NCKAP5: variants seen among roughly 807,000 people sequenced by gnomAD.
NCKAP5 encodes the protein nck-associated protein 5.
In NCKAP5, 92 loss-of-function variants were observed where a neutral mutation model predicts 167.0. The ratio of observed to expected loss-of-function variants is 0.55; its 90% CI spans 0.47 to 0.66. The LOEUF (loss-of-function observed/expected upper bound fraction) is 0.66. NCKAP5 is among the 30% of genes least tolerant of loss of function. NCKAP5 has a pLI of 0.00. For missense variants in NCKAP5, 2,378 were observed against 2,315.0 expected (o/e 1.03, Z -0.56); for synonymous variants, 891 against 877.4 (o/e 1.02, Z -0.27).
chr2:132,985,654 G>A (rs1003735123), intron 7 of NCKAP5, among the ~76,000 whole-genome samples: 8 of 152,148 alleles, frequency 5.3e-5, no homozygotes, highest in African/African-American at 1.4e-4. Flanking sequence ...TATGAACAGT[G>A]GATGCCACTT....
chr2:133,297,515 T>C (rs1198137480), intron 4 of NCKAP5, among the ~76,000 whole-genome samples: 1 of 152,146 alleles, frequency 6.6e-6, no homozygotes, highest in Non-Finnish European at 1.5e-5. Flanking sequence ...AAGAGTGTTA[T>C]TGCAATATAT....
At chr2:132,957,686 T>TA (rs2076383834) in intron 8 of NCKAP5, among the ~76,000 whole-genome samples, 1 of 151,744 alleles carries the variant, frequency 6.6e-6, no homozygotes, top group African/African-American at 2.4e-5. Context: ...ACATAAAACC[T>TA]AAAAAATATT....
chr2:132,827,631 T>C (rs1225622475), intron 11 of NCKAP5, among the ~76,000 whole-genome samples: 2 of 152,180 alleles, frequency 1.3e-5, no homozygotes, highest in Non-Finnish European at 2.9e-5. Context: ...AAATACCTTG[T>C]CCAAGTTAAA....
At chr2:133,101,444 T>G (rs1231638007) in intron 6 of NCKAP5, among the ~76,000 whole-genome samples, 3 of 140,624 alleles carry the variant, frequency 2.1e-5, no homozygotes, top group Non-Finnish European at 4.5e-5. Flanking sequence ...GTGAAGAAAG[T>G]CATTGGTAGC....
intron 3 of NCKAP5, among the ~76,000 whole-genome samples, chr2:133,448,946 T>C (rs1018175889): frequency 6.6e-6 from 1 of 152,200 alleles, no homozygotes; most frequent in Non-Finnish European, 1.5e-5. Context: ...ATAACATAGA[T>C]AGACAAGATG....
chr2:133,115,381 G>GAATATGC (rs1559153420), intron 6 of NCKAP5, among the ~76,000 whole-genome samples: 8 of 151,978 alleles, frequency 5.3e-5, no homozygotes, highest in African/African-American at 1.9e-4. Context: ...CATGAATATG[G>GAATATGC]ATCCCACTAC....
chr2:133,306,141 G>T (rs188874291), intron 3 of NCKAP5, among the ~76,000 whole-genome samples: 2 of 152,232 alleles, frequency 1.3e-5, no homozygotes. Context: ...AAACAATGGA[G>T]GGTGGTAGCA....
intron 4 of NCKAP5, among the ~76,000 whole-genome samples, chr2:133,296,127 G>C (rs1679942112): frequency 6.6e-6 from 1 of 152,070 alleles, no homozygotes; most frequent in Non-Finnish European, 1.5e-5. Flanking sequence ...CTGCTCCTGT[G>C]GGTAACATCA....
At position 133,467,571 on chromosome 2, in the gene NCKAP5, T is replaced by C. The variant is rs1476381135; in HGVS notation, c.69+49887A>G. Among the ~76,000 whole-genome samples, 8 of 150,668 alleles carry C rather than the reference T, an allele frequency of 5.3e-5. No individual in the cohort carries two copies. In the East Asian group the frequency reaches 1.6e-3, roughly 30 times the overall value. ...CCTCTTTTTCTATTGATTGGAATAGTTTCAGAAGGAATGGTACCAGTTCCT... is the reference window on the plus strand; with the variant it reads ...CCTCTTTTTCTATTGATTGGAATAGCTTCAGAAGGAATGGTACCAGTTCCT... On this transcript the variant is annotated intron_variant, in intron 3 of 19. Coordinates refer to ENST00000409261, the MANE Select transcript of NCKAP5 (RefSeq NM_207363.3).
rs1553479343 is a variant in NCKAP5, at chr2:132,920,771, G to GTATGTATGTATGTGTGTA, written c.580-41856_580-41855insTACACACATACATACATA. ...TATATATATATGTATATATATGTAT[G>GTATGTATGTATGTGTGTA]TATATATATATATATATATATATAT... On this transcript the variant is annotated intron_variant, in intron 8 of 19. Coordinates refer to ENST00000409261, the MANE Select transcript of NCKAP5 (RefSeq NM_207363.3). Among the ~76,000 whole-genome samples, 149 of 31,572 alleles carry GTATGTATGTATGTGTGTA rather than the reference G, an allele frequency of 4.7e-3. 11 individuals are homozygous for GTATGTATGTATGTGTGTA. Among genetic ancestry groups the GTATGTATGTATGTGTGTA allele is most frequent in the African/African-American group, 0.016 (144 of 9,058 alleles). The allele number at this position is 31,572 out of a possible 152,430, so 20.7% of individuals were successfully genotyped here. A position where few individuals can be genotyped will look rare whatever the true frequency, so the allele number is the denominator to read the frequency against.
intron 4 of NCKAP5, among the ~76,000 whole-genome samples, chr2:133,242,511 A>T (rs1430158044): frequency 6.6e-6 from 1 of 152,152 alleles, no homozygotes; most frequent in Non-Finnish European, 1.5e-5. Flanking sequence ...GAACCAGATC[A>T]CCCTTCTTAC....
intron 6 of NCKAP5, among the ~76,000 whole-genome samples, chr2:133,012,339 C>T (rs2078187898): frequency 6.6e-6 from 1 of 152,102 alleles, no homozygotes; most frequent in Non-Finnish European, 1.5e-5. Context: ...GCTCTGCCTC[C>T]CAGGTTCCCG....
chr2:132,882,910 G>A (rs1179626622), intron 8 of NCKAP5, among the ~76,000 whole-genome samples: 1 of 151,914 alleles, frequency 6.6e-6, no homozygotes, highest in Non-Finnish European at 1.5e-5. Flanking sequence ...CTTTGGCCGG[G>A]TGTGGTGATT....
intron 3 of NCKAP5, among the ~76,000 whole-genome samples, chr2:133,427,442 T>C (rs1457923069): frequency 1.3e-5 from 2 of 152,192 alleles, no homozygotes; most frequent in Non-Finnish European, 2.9e-5. Context: ...GACAGTCTGA[T>C]TTTATTTAAA....
At chr2:133,083,746 CA>C (rs1671469927) in intron 6 of NCKAP5, among the ~76,000 whole-genome samples, 1 of 152,044 alleles carries the variant, frequency 6.6e-6, no homozygotes, top group Admixed American at 6.5e-5. Context: ...ATTCTTTTTT[CA>C]TCCGTGTGTT....
intron 16 of NCKAP5, among the ~76,000 whole-genome samples, chr2:132,760,027 A>G (rs1680868223): frequency 1.3e-5 from 2 of 152,094 alleles, no homozygotes; most frequent in African/African-American, 4.8e-5. Context: ...AATATAACTT[A>G]CCAAACTAAT....
intron 7 of NCKAP5, among the ~76,000 whole-genome samples, chr2:132,972,362 C>T (rs1298530079): frequency 6.6e-6 from 1 of 152,158 alleles, no homozygotes; most frequent in Non-Finnish European, 1.5e-5. Flanking sequence ...GGCATTGAGG[C>T]TCCAAGAGAC....
intron 3 of NCKAP5, among the ~76,000 whole-genome samples, chr2:133,313,941 CCA>C (rs1157352775): frequency 6.6e-6 from 1 of 152,176 alleles, no homozygotes; most frequent in African/African-American, 2.4e-5. Context: ...AGCATTACAT[CCA>C]CACACAGCAG....
intron 12 of NCKAP5, among the ~76,000 whole-genome samples, chr2:132,793,758 C>A (rs1019093161): frequency 6.6e-6 from 1 of 152,062 alleles, no homozygotes; most frequent in African/African-American, 2.4e-5. Context: ...GTACGTGTAG[C>A]GGTAGTTACA....
Sources: allele counts gnomAD v4.1 joint callset (sites outside exome capture counted in the v4.1 genomes callset), GRCh38; gene constraint gnomAD v4.1.1; transcripts MANE v1.5; gene names NCBI Gene and HGNC (gene_info 2026-07-23, HGNC 2026-07-21).